Variants in CHST15 observed in about 807,000 individuals in gnomAD.
CHST15 encodes B cell RAG associated protein (GALNAC4S-6ST).
A neutral mutation model predicts 53.6 loss-of-function variants in CHST15; 30 were observed. That is an observed-to-expected ratio of 0.56 (90% CI 0.42 to 0.76). The LOEUF (loss-of-function observed/expected upper bound fraction) is 0.76, where lower values mean the gene tolerates loss of function less well. Ranked by LOEUF, CHST15 falls within the 30% of genes least tolerant of loss-of-function variation. CHST15 has a pLI of 0.00. For missense variants in CHST15, 627 were observed against 740.5 expected (o/e 0.85, Z 1.78); for synonymous variants, 296 against 289.8 (o/e 1.02, Z -0.22).
chr10:124,092,069 C>G (rs1949617910), intron 1 of CHST15, among the ~76,000 whole-genome samples: 1 of 151,642 alleles, frequency 6.6e-6, no homozygotes, highest in Middle Eastern at 3.4e-3. Flanking sequence ...GGTGCTTCCA[C>G]GGCTCTTCAT....
chr10:124,078,876 T>G (rs1339432796), intron 1 of CHST15, among the ~76,000 whole-genome samples: 1 of 152,236 alleles, frequency 6.6e-6, no homozygotes, highest in Non-Finnish European at 1.5e-5. Flanking sequence ...GTTCTCCCTG[T>G]GGGAAGCTGA....
chr10:124,046,174 G>A lies in CHST15; in HGVS notation c.39C>T (p.Pro13=), dbSNP rs149118429. 1.5e-5 allele frequency: 25 copies of A among 1,613,022 alleles called. No individual in the cohort carries two copies. Among genetic ancestry groups the A allele is most frequent in the African/African-American group, 6.7e-5 (5 of 74,916 alleles). The part of the protein sequence containing the change: ...HCINCCIQLL[P]DGAHKQQVNC... The stretch of plus-strand genomic sequence containing the variant: ...TGACCTGCTGCTTGTGTGCGCCGTC[G>A]GGTAACAGCTGTATGCAGCAATTAA... The change falls in exon 2 of 8, where the codon CCC becomes CCT. Residue 13 remains proline, a synonymous_variant. Transcript: ENST00000435907.
chr10:124,090,644 T>C (rs1467860438), intron 1 of CHST15, among the ~76,000 whole-genome samples: 1 of 152,210 alleles, frequency 6.6e-6, no homozygotes, highest in Non-Finnish European at 1.5e-5. Flanking sequence ...GTTTCTGATA[T>C]CTCACTTTTC....
chr10:124,093,554 CA>C lies in CHST15; in HGVS notation c.-599del, dbSNP rs893119089. On this transcript the variant is annotated 5_prime_UTR_variant, in exon 1 of 8. Transcript: ENST00000435907. ...AGCCCCGAGCCTCTAGCCCCGCATC[CA>C]GGGCGCGTCAACCTGACTCCCCGAG... is the stretch of plus-strand genomic sequence containing the variant. 1.3e-5 allele frequency: 2 copies of C among 152,280 alleles called. No individual in the cohort carries two copies. The highest frequency in any genetic ancestry group is 2.4e-5 in the African/African-American group (1 of 41,456). The allele number at this position is 152,280 out of a possible 1,614,324, so 9.4% of individuals were successfully genotyped here.
At chr10:124,021,105 T>C in intron 6 of CHST15, 151 bp downstream of exon 6, 3 of 1,494,586 alleles carry the variant, frequency 2.0e-6, no homozygotes, top group Non-Finnish European at 2.7e-6. Context: ...TTTACATCCA[T>C]GAATAATGGG....
At chr10:124,069,247 T>A (rs1285056035) in intron 1 of CHST15, among the ~76,000 whole-genome samples, 2 of 152,216 alleles carry the variant, frequency 1.3e-5, no homozygotes, top group Non-Finnish European at 2.9e-5. Flanking sequence ...ATAGAGAGGA[T>A]GGGTTCAACT....
chr10:124,053,511 C>T (rs79715692), intron 1 of CHST15, among the ~76,000 whole-genome samples: 3 of 148,022 alleles, frequency 2.0e-5, no homozygotes, highest in African/African-American at 7.5e-5. Context: ...TTTTTTTTTT[C>T]AAGACAGAGT....
chr10:124,018,278 G>T (rs115379048), intron 6 of CHST15, among the ~76,000 whole-genome samples: 2,281 of 152,326 alleles, frequency 0.015, 56 homozygotes, highest in African/African-American at 0.051. Flanking sequence ...AATTCACCTG[G>T]AGACAGTCTC....
chr10:124,081,601 G>A (rs1949242209), intron 1 of CHST15, among the ~76,000 whole-genome samples: 1 of 152,228 alleles, frequency 6.6e-6, no homozygotes, highest in African/African-American at 2.4e-5. Context: ...CAATGAGATA[G>A]ATATCCATAA....
chr10:124,021,237 G>GGT lies in CHST15; in HGVS notation c.1347+18_1347+19insAC, dbSNP rs1554903150. ...TGCCAGGGGCCAGCTCGGGGGGTACGGGGGGGGGGGGTACACACAGGCATG... is the reference window on the plus strand; with the variant it reads ...TGCCAGGGGCCAGCTCGGGGGGTACGGTGGGGGGGGGGGTACACACAGGCATG... On this transcript the variant is annotated intron_variant, in intron 6 of 7. Transcript: ENST00000435907. 12 of 77,780 alleles carry GGT rather than the reference G, an allele frequency of 1.5e-4. No homozygotes were observed. Among genetic ancestry groups the GGT allele is most frequent in the South Asian group, 6.6e-4 (2 of 3,016 alleles). The allele number at this position is 77,780 out of a possible 1,614,324, so 4.8% of individuals were successfully genotyped here.
At chr10:124,027,558 C>T (rs533394690) in intron 5 of CHST15, among the ~76,000 whole-genome samples, 2 of 152,336 alleles carry the variant, frequency 1.3e-5, no homozygotes, top group East Asian at 3.9e-4. Context: ...CTCCTCCCGC[C>T]AGGGCTCTGT....
intron 1 of CHST15, among the ~76,000 whole-genome samples, chr10:124,079,794 C>T (rs568471223): frequency 6.6e-6 from 1 of 152,320 alleles, no homozygotes; most frequent in Admixed American, 6.5e-5. Flanking sequence ...GAAAGCAATG[C>T]TTAAAGAAGA....
At chr10:124,013,683 C>T (rs192455969) in intron 6 of CHST15, among the ~76,000 whole-genome samples, 29 of 152,346 alleles carry the variant, frequency 1.9e-4, no homozygotes, top group African/African-American at 6.0e-4. Flanking sequence ...ACAGTTTCCT[C>T]TAACTCCACA....
At chr10:124,032,709 T>A (rs1233184408) in intron 5 of CHST15, among the ~76,000 whole-genome samples, 2 of 151,962 alleles carry the variant, frequency 1.3e-5, no homozygotes, top group Non-Finnish European at 2.9e-5. Flanking sequence ...ATTGTCATGA[T>A]CTCTTACAGA....
At position 124,068,381 on chromosome 10, in the gene CHST15, G is replaced by A. The variant is rs184907694; in HGVS notation, c.-512-21657C>T. 1.5e-3 allele frequency among the ~76,000 whole-genome samples: 222 copies of A among 152,290 alleles called. 2 individuals are homozygous for A. The highest frequency in any genetic ancestry group is 4.9e-3 in the African/African-American group (205 of 41,548). On this transcript the variant is annotated intron_variant, in intron 1 of 7. Coordinates refer to ENST00000435907, the MANE Select transcript of CHST15 (RefSeq NM_001270764.2). ...CAGGGAAGACTGAGATAATCCATGG[G>A]AAGCACCAAGCAAGGACAGGGCACC... is the stretch of plus-strand genomic sequence containing the variant.
intron 7 of CHST15, chr10:124,010,551 G>A: frequency 8.1e-6 from 8 of 985,470 alleles, no homozygotes; most frequent in Non-Finnish European, 9.6e-6. Context: ...AAATTCTGCG[G>A]CGGGTGCAGG....
At chr10:124,033,219 C>A (rs975381654) in intron 5 of CHST15, among the ~76,000 whole-genome samples, 15 of 152,208 alleles carry the variant, frequency 9.9e-5, no homozygotes, top group Non-Finnish European at 2.1e-4. Flanking sequence ...GGCCATGGGT[C>A]ATGGGCTTCG....
chr10:124,073,801 A>G (rs1256198017), intron 1 of CHST15, among the ~76,000 whole-genome samples: 1 of 152,216 alleles, frequency 6.6e-6, no homozygotes, highest in Non-Finnish European at 1.5e-5. Flanking sequence ...TGTGCATTTT[A>G]AAATGGTTAA....
rs1947490914 is a variant in CHST15 at position 124,036,181 on chromosome 10, G to C, written c.1190+2334C>G. Among the ~76,000 whole-genome samples, 1 of 152,222 alleles carries C rather than the reference G, an allele frequency of 6.6e-6. No individual in the cohort carries two copies. The highest frequency in any genetic ancestry group is 2.1e-4 in the South Asian group (1 of 4,830). On this transcript the variant is annotated intron_variant, in intron 5 of 7. Transcript: ENST00000435907. The surrounding 1 kb of genome is among the most constrained non-coding windows in gnomAD (Gnocchi z 5.1). ...AGCAGCTATGCAAACACCTCCGGGG[G>C]CGGCGAGGGGTCAGCTCGAGGTGAC...
Sources: allele counts gnomAD v4.1 joint callset (sites outside exome capture counted in the v4.1 genomes callset), GRCh38; gene constraint gnomAD v4.1.1; non-coding constraint Gnocchi (gnomAD v3.1); transcripts MANE v1.5; gene names NCBI Gene and HGNC (gene_info 2026-07-23, HGNC 2026-07-21).